RBM6: variants seen among roughly 807,000 people sequenced by gnomAD.
RBM6 encodes the protein RNA binding motif protein 6, also known as RNA-binding protein 6.
RBM6 carries 23 observed loss-of-function variants against 140.4 expected under a neutral mutation model. The observed-to-expected ratio is 0.16, with a 90% CI of 0.12 to 0.23. The LOEUF is 0.23. RBM6 is among the 10% of genes least tolerant of loss of function. The pLI is 1.00. For synonymous variants in RBM6, 439 were observed against 475.6 expected (o/e 0.92, Z 1.00); for missense variants, 1,139 against 1,386.7 (o/e 0.82, Z 2.84).
At chr3:50,018,722 G>C (rs2087317662) in intron 6 of RBM6, among the ~76,000 whole-genome samples, 1 of 150,204 alleles carries the variant, frequency 6.7e-6, no homozygotes, top group African/African-American at 2.5e-5. Context: ...CTCCCAAGTA[G>C]CTGGGACTAC....
At chr3:49,961,696 G>A (rs2084288675) in intron 1 of RBM6, among the ~76,000 whole-genome samples, 1 of 151,958 alleles carries the variant, frequency 6.6e-6, no homozygotes, top group South Asian at 2.1e-4. Context: ...CTACTCGGGA[G>A]GCTGAGGCAG....
At position 49,967,442 on chromosome 3, in the gene RBM6, A is replaced by G. The variant is rs1559533354; in HGVS notation, c.45-28A>G. The G allele has an allele frequency of 6.3e-6, 10 of 1,585,622 alleles. No homozygotes were observed. The highest frequency in any genetic ancestry group is 8.6e-6 in the Non-Finnish European group (10 of 1,163,590). ...GTAGATTTCAAACTCTCTGGACAAT[A>G]TGAATAACACTGTCTTTGTTTCTAC... On this transcript the variant is annotated intron_variant, in intron 2 of 20. Coordinates refer to ENST00000266022, the MANE Select transcript of RBM6 (RefSeq NM_005777.3). This position sits in a 1 kb window ranked among gnomAD's most constrained non-coding sequence, Gnocchi z 4.0.
At chr3:49,954,906 A>G (rs868013520) in intron 1 of RBM6, among the ~76,000 whole-genome samples, 4 of 151,672 alleles carry the variant, frequency 2.6e-5, no homozygotes, top group Non-Finnish European at 5.9e-5. Flanking sequence ...CTGCAGGCGC[A>G]CACTGCCATG....
At chr3:50,021,360 C>T (rs1278840439) in intron 6 of RBM6, among the ~76,000 whole-genome samples, 1 of 152,132 alleles carries the variant, frequency 6.6e-6, no homozygotes, top group Non-Finnish European at 1.5e-5. Context: ...ACATTTAAGG[C>T]TGGGTGCAGT....
At chr3:50,015,046 C>CAAA (rs71080566) in intron 6 of RBM6, among the ~76,000 whole-genome samples, 3 of 52,858 alleles carry the variant, frequency 5.7e-5, no homozygotes, top group East Asian at 1.4e-3. Flanking sequence ...GAGACTGTCT[C>CAAA]AAAAAAAAAA....
At chr3:50,053,001 G>A (rs1278335365) in intron 7 of RBM6, among the ~76,000 whole-genome samples, 2 of 147,338 alleles carry the variant, frequency 1.4e-5, no homozygotes, top group Non-Finnish European at 3.0e-5. Flanking sequence ...GTGTGTGTGT[G>A]TGTGTGTGTG....
At chr3:50,017,094 G>A (rs769111024) in intron 6 of RBM6, among the ~76,000 whole-genome samples, 30 of 152,034 alleles carry the variant, frequency 2.0e-4, no homozygotes, top group Admixed American at 4.6e-4. Flanking sequence ...TGAAAGTGCT[G>A]GGATTACCAG....
At chr3:49,958,151 C>T (rs1309536533) in intron 1 of RBM6, among the ~76,000 whole-genome samples, 3 of 152,128 alleles carry the variant, frequency 2.0e-5, no homozygotes, top group African/African-American at 2.4e-5. Flanking sequence ...CTGGGCCGGG[C>T]GCAGTGGCTC....
intron 6 of RBM6, among the ~76,000 whole-genome samples, chr3:50,020,344 T>G (rs2087412276): frequency 6.6e-6 from 1 of 152,214 alleles, no homozygotes; most frequent in Non-Finnish European, 1.5e-5. Context: ...TTATCTCTAT[T>G]GATTTACTGT....
Position 50,061,505 on chromosome 3 carries a change from T to C in RBM6, c.2397T>C (p.Tyr799=). ...TATATGATTCTGCTACTGGCTACTA[T>C]TATGACCCCTTGGCAGGAACTTATT... ...CYIYDSATGY[Y]YDPLAGTYYD... is the part of the protein sequence containing the mutation. The change falls in exon 14 of 21, where the codon TAT becomes TAC. Residue 799 remains tyrosine, a synonymous_variant. Transcript: ENST00000266022. 3 of 1,610,998 alleles carry C rather than the reference T, an allele frequency of 1.9e-6. No individual in the cohort carries two copies. The highest frequency in any genetic ancestry group is 2.5e-6 in the Non-Finnish European group (3 of 1,179,282).
Position 49,967,153 on chromosome 3 carries a change from C to A in RBM6, c.45-317C>A. The A allele has an allele frequency of 1.0e-6, 1 of 990,930 alleles. No homozygotes were observed. The highest frequency in any genetic ancestry group is 1.2e-6 in the Non-Finnish European group (1 of 808,676). The allele number at this position is 990,930 out of a possible 1,614,324, so 61.4% of individuals were successfully genotyped here. On this transcript the variant is annotated intron_variant, in intron 2 of 20. Transcript: ENST00000266022. This position sits in a 1 kb window ranked among gnomAD's most constrained non-coding sequence, Gnocchi z 4.0. ...GGAAATGGAAATTTTTGTAGTATGT[C>A]ACCATTGTTAGCTTATTTGGTATTG...
chr3:50,074,424 C>T (rs1193411238), intron 19 of RBM6, among the ~76,000 whole-genome samples: 2 of 151,918 alleles, frequency 1.3e-5, no homozygotes, highest in African/African-American at 2.4e-5. Flanking sequence ...TGGGTTCAAG[C>T]GATTCTCCTG....
In RBM6 at chr3:49,967,929, G is replaced by A. The variant is rs1249030911; in HGVS notation, c.504G>A (p.Arg168=). 2 of 1,614,104 alleles carry A rather than the reference G, an allele frequency of 1.2e-6. No individual in the cohort carries two copies. Among genetic ancestry groups the A allele is most frequent in the South Asian group, 1.1e-5 (1 of 91,080 alleles). The change falls in exon 3 of 21, where the codon AGG becomes AGA. Residue 168 remains arginine, a synonymous_variant. Transcript: ENST00000266022. The surrounding 1 kb of genome is among the most constrained non-coding windows in gnomAD (Gnocchi z 4.0). ...CTCACGCTGTTGACTTCAGAGGTAG[G>A]GATGCTCCTCCATCTGACTTCAGGG... ...RDAHAVDFRG[R]DAPPSDFRGR... is the part of the protein sequence containing the mutation.
chr3:50,054,186 C>G (rs1334673693), intron 7 of RBM6, 149 bp from the exon 8 acceptor site: 1 of 663,036 alleles, frequency 1.5e-6, no homozygotes, highest in Non-Finnish European at 2.7e-6. Flanking sequence ...CAGCTCTAAT[C>G]AGTGGGGAAT....
At chr3:50,034,092 T>C in intron 6 of RBM6, among the ~76,000 whole-genome samples, 1 of 22,514 alleles carries the variant, frequency 4.4e-5, no homozygotes, top group African/African-American at 2.1e-4. Flanking sequence ...TATACTTCCT[T>C]TTTTTTTTTT....
chr3:50,029,736 AAAT>A (rs1205053881), intron 6 of RBM6, among the ~76,000 whole-genome samples: 1 of 152,080 alleles, frequency 6.6e-6, no homozygotes, highest in Admixed American at 6.6e-5. Context: ...CTGTCTCAAA[AAAT>A]AATAATAATA....
intron 9 of RBM6, among the ~76,000 whole-genome samples, 197 bp downstream of exon 9, chr3:50,058,200 A>G (rs779770235): frequency 2.6e-5 from 4 of 152,220 alleles, no homozygotes; most frequent in Admixed American, 6.5e-5. Context: ...GTAAATTGCT[A>G]TATGAATGCA....
At chr3:50,025,794 A>C (rs1167707497) in intron 6 of RBM6, among the ~76,000 whole-genome samples, 1 of 151,776 alleles carries the variant, frequency 6.6e-6, no homozygotes, top group African/African-American at 2.4e-5. Context: ...TGCTCTGTAT[A>C]TATGTCTCCT....
At chr3:49,980,214 A>AG (rs1269169604) in intron 5 of RBM6, among the ~76,000 whole-genome samples, 1 of 151,822 alleles carries the variant, frequency 6.6e-6, no homozygotes, top group Admixed American at 6.6e-5. Flanking sequence ...CATGTTGACC[A>AG]GGCTGGTCTT....
Sources: gnomAD v4.1 joint callset for allele counts (sites outside exome capture counted in the v4.1 genomes callset) on GRCh38, gnomAD v4.1.1 for gene constraint, Gnocchi (gnomAD v3.1) non-coding constraint, MANE v1.5 for transcripts, NCBI Gene and HGNC (gene_info 2026-07-23, HGNC 2026-07-21) for gene names.